Variants in KCNN1 observed in about 807,000 individuals in gnomAD.
The protein encoded by KCNN1 is potassium calcium-activated channel subfamily N member 1.
Under a neutral mutation model 44.7 loss-of-function variants are expected in KCNN1, and 20 were observed. The observed-to-expected ratio is 0.45, with a 90% CI of 0.32 to 0.65. The LOEUF (loss-of-function observed/expected upper bound fraction) is 0.65, where lower values mean the gene tolerates loss of function less well. Among genes scored for constraint, KCNN1 ranks in the 30% least tolerant of loss-of-function variants. The pLI is 0.05. For missense variants in KCNN1, 632 were observed against 785.3 expected (o/e 0.80, Z 2.33); for synonymous variants, 324 against 341.7 (o/e 0.95, Z 0.57).
chr19:17,960,729 C>G (rs1265108819), intron 2 of KCNN1, among the ~76,000 whole-genome samples: 1 of 152,134 alleles, frequency 6.6e-6, no homozygotes, highest in Non-Finnish European at 1.5e-5. Flanking sequence ...GTGGTGTTGC[C>G]TTCCCTCCGG....
chr19:17,972,970 C>T (rs898367384), intron 1 of KCNN1, among the ~76,000 whole-genome samples: 1 of 152,134 alleles, frequency 6.6e-6, no homozygotes, highest in Non-Finnish European at 1.5e-5. Context: ...AGGGCACAGC[C>T]TGTGCAAGGT....
At chr19:17,991,294 T>TA (rs1053754980) in intron 7 of KCNN1, among the ~76,000 whole-genome samples, 28 of 151,520 alleles carry the variant, frequency 1.8e-4, no homozygotes, top group African/African-American at 6.8e-4. Context: ...TCTACAAAAA[T>TA]AAAAAAATTA....
At chr19:17,979,738 G>T (rs550862208) in intron 3 of KCNN1, among the ~76,000 whole-genome samples, 49 of 152,236 alleles carry the variant, frequency 3.2e-4, no homozygotes, top group African/African-American at 1.2e-3. Flanking sequence ...ACGCTTTGCC[G>T]ATGTGCGAGC....
At chr19:17,955,255 A>G (rs1401584561) in intron 2 of KCNN1, among the ~76,000 whole-genome samples, 1 of 150,250 alleles carries the variant, frequency 6.7e-6, no homozygotes, top group Admixed American at 6.7e-5. Context: ...CATCTCTTTA[A>G]TTAAAAAAAA....
chr19:17,993,965 T>C lies in KCNN1; in HGVS notation c.1377+406T>C, dbSNP rs1318622809. The stretch of plus-strand genomic sequence containing the variant: ...TAAAAATTTAAAAAGAGTACACAAT[T>C]AGGGGGCTAAATGGGTGAAGAGGTA... On this transcript the variant is annotated intron_variant, in intron 9 of 9. Coordinates refer to ENST00000684775, the MANE Select transcript of KCNN1 (RefSeq NM_001386974.1). The surrounding 1 kb of genome is among the most constrained non-coding windows in gnomAD (Gnocchi z 4.5). Among the ~76,000 whole-genome samples, 2 of 151,930 alleles carry C rather than the reference T, an allele frequency of 1.3e-5. No homozygotes were observed. The highest frequency in any genetic ancestry group is 2.9e-5 in the Non-Finnish European group (2 of 67,962).
In KCNN1 at chr19:17,990,999, TG is replaced by T. The variant is rs369554179; in HGVS notation, c.1298+1159del. Among the ~76,000 whole-genome samples, 20 of 151,872 alleles carry T rather than the reference TG, an allele frequency of 1.3e-4. No homozygotes were observed. In the South Asian group the frequency reaches 4.2e-3, roughly 32 times the overall value. ...ACTTAGTAGAGTCTGGGTTGCAGTC[TG>T]GGTTTACATTTAAATTCCTCAAATG... On this transcript the variant is annotated intron_variant, in intron 7 of 9. Transcript: ENST00000684775.
At chr19:17,973,731 G>T in intron 1 of KCNN1, 77 bp from the exon 2 acceptor site, 1 of 1,420,868 alleles carries the variant, frequency 7.0e-7, no homozygotes. Context: ...AACGTTCTGG[G>T]TTGGCCGGGA....
In KCNN1 at chr19:17,985,302, G is replaced by A. The variant is rs1364135687; in HGVS notation, c.918-10G>A. ...CTGAGCCCTCCCTCTTCCCACTCTG[G>A]CTCCCCCAGGTACCACGACAAGCAG... On this transcript the variant is annotated splice_polypyrimidine_tract_variant and intron_variant, in intron 4 of 9. Transcript: ENST00000684775. 3 of 1,582,448 alleles carry A rather than the reference G, an allele frequency of 1.9e-6. No individual in the cohort carries two copies. The highest frequency in any genetic ancestry group is 2.3e-5 in the East Asian group (1 of 44,352).
chr19:17,957,807 A>G (rs2031581584), intron 2 of KCNN1, among the ~76,000 whole-genome samples: 1 of 152,108 alleles, frequency 6.6e-6, no homozygotes, highest in Non-Finnish European at 1.5e-5. Flanking sequence ...TAGGATTTTC[A>G]GAAGCCCTGT....
chr19:17,965,841 G>A (rs982709823), upstream of KCNN1, among the ~76,000 whole-genome samples: 1 of 152,056 alleles, frequency 6.6e-6, no homozygotes, highest in Non-Finnish European at 1.5e-5. Flanking sequence ...TTGTCACCAC[G>A]GCCGGGCCTT....
At chr19:17,972,725 G>T (rs1169690896) in intron 1 of KCNN1, among the ~76,000 whole-genome samples, 2 of 152,206 alleles carry the variant, frequency 1.3e-5, no homozygotes, top group East Asian at 3.8e-4. Context: ...ACGGTGAGGT[G>T]AGGTTAACTC....
Position 17,990,434 on chromosome 19 carries a change from T to C in KCNN1, c.1298+591T>C, listed in dbSNP as rs2032747251. On this transcript the variant is annotated intron_variant, in intron 7 of 9. Transcript: ENST00000684775. ...GCAGGGTCAAGGCTGCAGTGAGCCATGATTGCGCCACTGCACTCAGCTGGG... is the reference window on the plus strand; with the variant it reads ...GCAGGGTCAAGGCTGCAGTGAGCCACGATTGCGCCACTGCACTCAGCTGGG... 2.7e-5 allele frequency among the ~76,000 whole-genome samples: 4 copies of C among 147,050 alleles called. No homozygotes were observed. The South Asian group carries it at 8.5e-4, about 31-fold the overall frequency.
rs539915058 is a variant in KCNN1, at chr19:17,999,938, C to G, written c.*1532C>G. The G allele has an allele frequency of 8.8e-6, 4 of 455,576 alleles. No individual in the cohort carries two copies. Among genetic ancestry groups the G allele is most frequent in the African/African-American group, 2.0e-5 (1 of 50,058 alleles). 28.2% of individuals were successfully genotyped at this position (455,576 alleles called of 1,614,324 possible). On this transcript the variant is annotated 3_prime_UTR_variant, in exon 10 of 10. Coordinates refer to ENST00000684775, the MANE Select transcript of KCNN1 (RefSeq NM_001386974.1). ...TCCTGACTCTGCCACTGCTGGGTGA[C>G]TCTGAGCAGTGGCTGCCCCTCTGGG...
At chr19:17,996,094 T>C (rs957959114) in intron 9 of KCNN1, among the ~76,000 whole-genome samples, 3 of 148,286 alleles carry the variant, frequency 2.0e-5, no homozygotes, top group African/African-American at 5.0e-5. Context: ...CTTTGGGAAG[T>C]TGAGGAGGGG....
Position 17,998,147 on chromosome 19 carries a change from C to G in KCNN1, c.1378-5C>G, listed in dbSNP as rs4808732. The G allele has an allele frequency of 0.47, 739,515 of 1,577,544 alleles. 176,519 individuals are homozygous for G. Among genetic ancestry groups the G allele is most frequent in the East Asian group, 0.62 (27,342 of 43,814 alleles). ...CTCTCTCCTGCCCCTCTCTGTCTCC[C>G]GCAGACCCAGACCGTCATGTACGAC... On this transcript the variant is annotated splice_region_variant and splice_polypyrimidine_tract_variant and intron_variant, in intron 9 of 9. Coordinates refer to ENST00000684775, the MANE Select transcript of KCNN1 (RefSeq NM_001386974.1). This position sits in a 1 kb window ranked among gnomAD's most constrained non-coding sequence, Gnocchi z 5.4.
chr19:17,983,532 G>T lies in KCNN1; in HGVS notation c.917+1405G>T, dbSNP rs930605789. Among the ~76,000 whole-genome samples the T allele has an allele frequency of 6.6e-6, 1 of 152,146 alleles. No individual in the cohort carries two copies. Among genetic ancestry groups the T allele is most frequent in the Non-Finnish European group, 1.5e-5 (1 of 68,008 alleles). ...GGGTGGGGTCAGAACTAGGGTTAGG[G>T]GTATGGGGTGCCCCTCGTCAGGTAT... is the stretch of plus-strand genomic sequence containing the variant. On this transcript the variant is annotated intron_variant, in intron 4 of 9. Coordinates refer to ENST00000684775, the MANE Select transcript of KCNN1 (RefSeq NM_001386974.1). The surrounding 1 kb of genome is among the most constrained non-coding windows in gnomAD (Gnocchi z 4.5).
chr19:17,996,507 G>T (rs2032997989), intron 9 of KCNN1, among the ~76,000 whole-genome samples: 1 of 152,232 alleles, frequency 6.6e-6, no homozygotes, highest in Admixed American at 6.5e-5. Flanking sequence ...TTGGGAGGCT[G>T]AGGCAGGAGA....
chr19:17,972,280 G>A (rs2032051065), intron 1 of KCNN1, among the ~76,000 whole-genome samples: 1 of 152,130 alleles, frequency 6.6e-6, no homozygotes, highest in African/African-American at 2.4e-5. Flanking sequence ...GGGAGAATCT[G>A]ACAAGTTGGA....
At position 17,989,834 on chromosome 19, in the gene KCNN1, C is replaced by G. The variant is rs373647734; in HGVS notation, c.1289C>G (p.Ala430Gly). 10 of 1,613,376 alleles carry G rather than the reference C, an allele frequency of 6.2e-6. No homozygotes were observed. Among genetic ancestry groups the G allele is most frequent in the African/African-American group, 1.3e-5 (1 of 74,878 alleles). Reference sequence around the variant, plus strand: ...AAACACCAGCGTAAGTTCCTCCAAGCCATCCATCAGTAAGTCCAGCACCTT... The same window carrying G: ...AAACACCAGCGTAAGTTCCTCCAAGGCATCCATCAGTAAGTCCAGCACCTT... ...VRKHQRKFLQ[A>G]IHQAQKLRSV... The change falls in exon 7 of 10, where the codon GCC becomes GGC. Residue 430 changes from alanine (A) to glycine (G), a missense_variant. This residue lies in a region of KCNN1 where 237 missense variants were observed against 253.0 expected (regional missense o/e 0.94). Transcript: ENST00000684775.
Sources: allele counts gnomAD v4.1 joint callset (sites outside exome capture counted in the v4.1 genomes callset), GRCh38; gene constraint gnomAD v4.1.1; regional missense constraint gnomAD v4.1.1; non-coding constraint Gnocchi (gnomAD v3.1); transcripts MANE v1.5; gene names NCBI Gene and HGNC (gene_info 2026-07-23, HGNC 2026-07-21).